The following CSMD1 variants were observed in gnomAD, a reference collection of about 807,000 sequenced individuals.
CSMD1 encodes the protein CUB and Sushi multiple domains 1.
In CSMD1, 213 loss-of-function variants were observed where a neutral mutation model predicts 417.5. That is an observed-to-expected ratio of 0.51 (90% CI 0.46 to 0.57). CSMD1 has a LOEUF of 0.57. CSMD1 is among the 20% of genes least tolerant of loss of function. The pLI is 0.00. For missense variants in CSMD1, 6,923 were observed against 4,529.7 expected, an observed-to-expected ratio of 1.53 and a Z score of -15.17; for synonymous variants, 2,862 against 1,736.8, an observed-to-expected ratio of 1.65 and a Z score of -16.11.
chr8:3,447,891 G>C (rs888628883), intron 12 of CSMD1, among the ~76,000 whole-genome samples: 4 of 152,090 alleles, frequency 2.6e-5, no homozygotes, highest in African/African-American at 7.2e-5. Context: ...TGAACTGTAA[G>C]AGCAATGTAA....
intron 26 of CSMD1, among the ~76,000 whole-genome samples, chr8:3,254,637 A>G (rs1384172625): frequency 6.6e-6 from 1 of 152,032 alleles, no homozygotes; most frequent in Non-Finnish European, 1.5e-5. Flanking sequence ...TCCATCACTG[A>G]TACCCTTTCT....
At chr8:4,608,830 A>C (rs1801017393) in intron 2 of CSMD1, among the ~76,000 whole-genome samples, 1 of 152,198 alleles carries the variant, frequency 6.6e-6, no homozygotes, top group African/African-American at 2.4e-5. Context: ...GCATATGGGC[A>C]GAAGAAGAGA....
intron 10 of CSMD1, among the ~76,000 whole-genome samples, chr8:3,524,970 T>G (rs1056589060): frequency 3.9e-5 from 6 of 152,160 alleles, no homozygotes; most frequent in Non-Finnish European, 7.3e-5. Flanking sequence ...GTACACTCAT[T>G]AGGCACCCCA....
At chr8:4,418,733 AG>A (rs1212983666) in intron 3 of CSMD1, among the ~76,000 whole-genome samples, 1 of 152,146 alleles carries the variant, frequency 6.6e-6, no homozygotes, top group Non-Finnish European at 1.5e-5. Flanking sequence ...CAAAACTGAA[AG>A]CTAATAACAT....
At chr8:4,728,023 T>C (rs867588007) in intron 1 of CSMD1, among the ~76,000 whole-genome samples, 1 of 145,242 alleles carries the variant, frequency 6.9e-6, no homozygotes, top group East Asian at 2.0e-4. Context: ...ATATATATAT[T>C]TTTTCTATTT....
rs144389495 is a variant in CSMD1 at position 4,933,266 on chromosome 8, A to C, written c.85+61066T>G. On this transcript the variant is annotated intron_variant, in intron 1 of 69. Coordinates refer to ENST00000635120, the MANE Select transcript of CSMD1 (RefSeq NM_033225.6). ...ATGACGGCACTAGTAAATTTTAGAA[A>C]AGCAACAGCAACATTCTCTCAGAGG... Among the ~76,000 whole-genome samples the C allele has an allele frequency of 1.7e-3, 254 of 152,222 alleles. 1 individual carries two copies. The highest frequency in any genetic ancestry group is 5.8e-3 in the African/African-American group (240 of 41,530).
chr8:3,243,748 TTATG>T (rs1799698330), intron 26 of CSMD1, among the ~76,000 whole-genome samples: 1 of 150,876 alleles, frequency 6.6e-6, no homozygotes, highest in Non-Finnish European at 1.5e-5. Context: ...CAAATATTAT[TTATG>T]TATTTATATA....
rs182425997 is a variant in CSMD1 at position 3,018,643 on chromosome 8, C to T, written c.7863G>A (p.Ser2621=). The change falls in exon 52 of 70, where the codon TCG becomes TCA. Residue 2621 remains serine (S), a synonymous_variant. Transcript: ENST00000635120. ...TTGGGGGAAAGGAAAGGCTTCCACA[C>T]GAGATAACTAGAAGGAAAAACAATA... is the stretch of plus-strand genomic sequence containing the variant. ...GDERPSCRVI[S]CGSLSFPPNG... is the part of the protein sequence containing the mutation. 2.3e-5 allele frequency: 37 copies of T among 1,611,382 alleles called. No homozygotes were observed. The highest frequency in any genetic ancestry group is 6.6e-5 in the South Asian group (6 of 90,922).
intron 5 of CSMD1, among the ~76,000 whole-genome samples, chr8:3,860,426 A>G (rs1226510979): frequency 6.6e-6 from 1 of 152,204 alleles, no homozygotes; most frequent in East Asian, 1.9e-4. Flanking sequence ...TGTTACTAAA[A>G]CAATAAAACT....
chr8:3,889,328 T>C (rs1212270361), intron 5 of CSMD1, among the ~76,000 whole-genome samples: 1 of 151,254 alleles, frequency 6.6e-6, no homozygotes, highest in African/African-American at 2.4e-5. Flanking sequence ...GAGACGATAA[T>C]CTGCCATGTC....
chr8:4,017,282 A>G (rs57336653), intron 4 of CSMD1, among the ~76,000 whole-genome samples: 1 of 152,016 alleles, frequency 6.6e-6, no homozygotes, highest in African/African-American at 2.4e-5. Context: ...CATCATTTCT[A>G]ATATCAAATG....
intron 3 of CSMD1, among the ~76,000 whole-genome samples, chr8:4,275,667 G>A (rs905473169): frequency 2.6e-5 from 4 of 152,048 alleles, no homozygotes; most frequent in Non-Finnish European, 5.9e-5. Flanking sequence ...TGCAAAAATT[G>A]TATACGTTTT....
At chr8:3,075,048 T>C (rs1040237625) in intron 49 of CSMD1, among the ~76,000 whole-genome samples, 4 of 152,032 alleles carry the variant, frequency 2.6e-5, no homozygotes, top group Non-Finnish European at 4.4e-5. Flanking sequence ...GATCCAGCTG[T>C]TTAAAAGCAT....
intron 1 of CSMD1, among the ~76,000 whole-genome samples, chr8:4,671,961 G>C (rs1805358465): frequency 2.6e-5 from 4 of 152,208 alleles, no homozygotes; most frequent in Admixed American, 2.6e-4. Context: ...ACCTCGCCGA[G>C]GTAGGCAGTG....
intron 3 of CSMD1, among the ~76,000 whole-genome samples, chr8:4,171,999 AT>A (rs1797789568): frequency 6.6e-6 from 1 of 152,162 alleles, no homozygotes; most frequent in Non-Finnish European, 1.5e-5. Context: ...TCACGGTTTA[AT>A]ACCACCAAAG....
chr8:4,094,184 T>G (rs1800877399), intron 3 of CSMD1, among the ~76,000 whole-genome samples: 1 of 151,984 alleles, frequency 6.6e-6, no homozygotes, highest in African/African-American at 2.4e-5. Flanking sequence ...GAGCACTCTT[T>G]GGAGCCAAAC....
rs886910334 is a variant in CSMD1 at position 4,431,539 on chromosome 8, T to A, written c.303-11474A>T. 2.6e-5 allele frequency among the ~76,000 whole-genome samples: 4 copies of A among 151,424 alleles called. 1 individual carries two copies. The South Asian group carries it at 6.3e-4, about 24-fold the overall frequency. On this transcript the variant is annotated intron_variant, in intron 2 of 69. Coordinates refer to ENST00000635120, the MANE Select transcript of CSMD1 (RefSeq NM_033225.6). ...AGTTACACTTTATAACACCCGACCC[T>A]GATAATCTACACCAGCCCCGGCCCC...
intron 52 of CSMD1, among the ~76,000 whole-genome samples, chr8:3,017,805 T>TA (rs1563242099): frequency 1.6e-5 from 2 of 121,690 alleles, no homozygotes; most frequent in East Asian, 2.2e-4. Flanking sequence ...TTTGAGTGAT[T>TA]TAAAAAAAAA....
intron 3 of CSMD1, among the ~76,000 whole-genome samples, chr8:4,158,579 C>A (rs925930458): frequency 2.6e-5 from 4 of 152,126 alleles, no homozygotes; most frequent in Middle Eastern, 6.3e-3. Flanking sequence ...ACAGAACAGT[C>A]CTCGTTCCCC....
Sources: allele counts gnomAD v4.1 joint callset (sites outside exome capture counted in the v4.1 genomes callset), GRCh38; gene constraint gnomAD v4.1.1; transcripts MANE v1.5; gene names NCBI Gene and HGNC (gene_info 2026-07-23, HGNC 2026-07-21).